The following MMP14 variants were observed in gnomAD, a reference collection of about 807,000 sequenced individuals.
The protein encoded by MMP14 is matrix metallopeptidase 14.
Under a neutral mutation model 64.8 loss-of-function variants are expected in MMP14, and 13 were observed. The ratio of observed to expected loss-of-function variants is 0.20; its 90% CI spans 0.13 to 0.32. The LOEUF (loss-of-function observed/expected upper bound fraction) is 0.32, where lower values mean the gene tolerates loss of function less well. MMP14 is among the 10% of genes least tolerant of loss of function. The probability of loss-of-function intolerance (pLI) is 1.00; values close to 1 mark genes in which losing one functional copy is unlikely to be tolerated. For missense variants in MMP14, 594 were observed against 783.8 expected (o/e 0.76, Z 2.89); for synonymous variants, 322 against 315.9 (o/e 1.02, Z -0.20).
At position 22,843,661 on chromosome 14, in the gene MMP14, T is replaced by TC. The variant is rs764515729; in HGVS notation, c.851-45dup. ...GTCTGCCCATCTGTCTGTCCTTCCG[T>TC]CCCCGCCTCCTCCTAAGTCTGAAAT... On this transcript the variant is annotated intron_variant, in intron 5 of 9. Transcript: ENST00000311852. The surrounding 1 kb of genome is among the most constrained non-coding windows in gnomAD (Gnocchi z 4.8). 4 of 1,557,688 alleles carry TC rather than the reference T, an allele frequency of 2.6e-6. No homozygotes were observed. The highest frequency in any genetic ancestry group is 2.3e-5 in the East Asian group (1 of 44,060).
intron 1 of MMP14, among the ~76,000 whole-genome samples, chr14:22,838,730 C>T (rs1186357644): frequency 6.6e-6 from 1 of 152,140 alleles, no homozygotes; most frequent in Non-Finnish European, 1.5e-5. Context: ...CCAGGACAGC[C>T]CTCTCCTCCC....
Position 22,836,795 on chromosome 14 carries a change from G to C in MMP14, c.-23G>C. Reference sequence around the variant, plus strand: ...CCCGGCCGCGGAGCCCACACTGCCCGGCTGACCCGGTGGTCTCGGACCATG... The same window carrying C: ...CCCGGCCGCGGAGCCCACACTGCCCCGCTGACCCGGTGGTCTCGGACCATG... On this transcript the variant is annotated 5_prime_UTR_variant, in exon 1 of 10. Coordinates refer to ENST00000311852, the MANE Select transcript of MMP14 (RefSeq NM_004995.4). 10 of 1,533,044 alleles carry C rather than the reference G, an allele frequency of 6.5e-6. No individual in the cohort carries two copies. Among genetic ancestry groups the C allele is most frequent in the Non-Finnish European group, 8.9e-6 (10 of 1,121,374 alleles). The allele number at this position is 1,533,044 out of a possible 1,614,324, so 95.0% of individuals were successfully genotyped here. A position where few individuals can be genotyped will look rare whatever the true frequency, so the allele number is the denominator to read the frequency against.
rs1240102039 is a variant in MMP14, at chr14:22,841,493, C to T, written c.111C>T (p.Ala37=). 1.2e-6 allele frequency: 2 copies of T among 1,613,622 alleles called. No individual in the cohort carries two copies. The highest frequency in any genetic ancestry group is 2.7e-5 in the African/African-American group (2 of 74,932). ...AAGCCATACCCCTTTCCCTACAGGCCTGGCTACAGCAATATGGCTACCTGC... is the reference window on the plus strand; with the variant it reads ...AAGCCATACCCCTTTCCCTACAGGCTTGGCTACAGCAATATGGCTACCTGC... The part of the protein sequence containing the change: ...SAQSSSFSPE[A]WLQQYGYLPP... Residue 37 remains alanine, a splice_region_variant and synonymous_variant, in exon 2 of 10, where the codon GCC becomes GCT. Transcript: ENST00000311852.
At chr14:22,837,181 T>C (rs1235645740) in intron 1 of MMP14, 1 of 653,544 alleles carries the variant, frequency 1.5e-6, no homozygotes, top group East Asian at 3.0e-5. Flanking sequence ...TTTTTCCCAG[T>C]CCTTGGAAGA....
At chr14:22,839,678 C>T (rs1192724088) in intron 1 of MMP14, among the ~76,000 whole-genome samples, 1 of 152,134 alleles carries the variant, frequency 6.6e-6, no homozygotes, top group South Asian at 2.1e-4. Flanking sequence ...TTGAGTCACC[C>T]CCAGTCCCCA....
In MMP14 at chr14:22,836,857, C is replaced by T. The variant is rs750574703; in HGVS notation, c.40C>T (p.Pro14Ser). The T allele has an allele frequency of 2.5e-6, 4 of 1,613,628 alleles. No homozygotes were observed. In the East Asian group the frequency reaches 8.9e-5, roughly 36 times the overall value. Residue 14 changes from proline to serine, a missense_variant, in exon 1 of 10, where the codon CCC (proline) becomes TCC (serine). Transcript: ENST00000311852. Reference protein sequence around the residue: ...APRPPRCLLLPLLTLGTALAS... With the variant: ...APRPPRCLLLSLLTLGTALAS... ...AAGACCCCCCCGTTGTCTCCTGCTC[C>T]CCCTGCTCACGCTCGGCACCGCGCT...
At chr14:22,836,992 G>A (rs914174342) in intron 1 of MMP14, 67 bp downstream of exon 1, 59 of 1,255,328 alleles carry the variant, frequency 4.7e-5, no homozygotes, top group Non-Finnish European at 6.4e-5. Flanking sequence ...GGTCTCCTAG[G>A]GGACAGCCTC....
intron 2 of MMP14, 76 bp from the exon 3 acceptor site, chr14:22,841,837 C>CAA: frequency 1.2e-6 from 2 of 1,602,440 alleles, no homozygotes; most frequent in South Asian, 2.2e-5. Context: ...GCAAGTCTTA[C>CAA]CCAACACTGA....
chr14:22,842,611 T>C lies in MMP14; in HGVS notation c.582T>C (p.Gly194=), dbSNP rs1566481842. The C allele has an allele frequency of 6.2e-7, 1 of 1,614,184 alleles. No individual in the cohort carries two copies. Among genetic ancestry groups the C allele is most frequent in the East Asian group, 2.2e-5 (1 of 44,868 alleles). ...GFHGDSTPFD[G]EGGFLAHAYF... is the part of the protein sequence containing the mutation. ...ATGGCGACAGCACGCCCTTCGATGG[T>C]GAGGGCGGCTTCCTGGCCCATGCCT... Residue 194 remains glycine, a synonymous_variant, in exon 4 of 10, where the codon GGT becomes GGC. Coordinates refer to ENST00000311852, the MANE Select transcript of MMP14 (RefSeq NM_004995.4). This position sits in a 1 kb window ranked among gnomAD's most constrained non-coding sequence, Gnocchi z 5.3.
In MMP14 at chr14:22,843,411, A is replaced by G; in HGVS notation, c.843A>G (p.Gln281=). The G allele has an allele frequency of 6.2e-7, 1 of 1,613,296 alleles. No homozygotes were observed. Residue 281 remains glutamine (Q), a synonymous_variant, in exon 5 of 10, where the codon CAA becomes CAG. Transcript: ENST00000311852. The surrounding 1 kb of genome is among the most constrained non-coding windows in gnomAD (Gnocchi z 4.8). The stretch of plus-strand genomic sequence containing the variant: ...ATGATGACCGCCGGGGCATCCAGCA[A>G]CTTTATGGCGAGTAGTCTACACCCA... ...LPDDDRRGIQ[Q]LYGGESGFPT...
Position 22,842,267 on chromosome 14 carries a change from T to A in MMP14, c.381-143T>A. Reference sequence around the variant, plus strand: ...ATCCCTTGTTCTTGAGACAGAGGCGTTGCGCATGAGGTAGCAGGAAGAGCT... The same window carrying A: ...ATCCCTTGTTCTTGAGACAGAGGCGATGCGCATGAGGTAGCAGGAAGAGCT... On this transcript the variant is annotated intron_variant, in intron 3 of 9. Coordinates refer to ENST00000311852, the MANE Select transcript of MMP14 (RefSeq NM_004995.4). This position sits in a 1 kb window ranked among gnomAD's most constrained non-coding sequence, Gnocchi z 5.3. 9.4e-7 allele frequency: 1 copy of A among 1,064,654 alleles called. No homozygotes were observed. The highest frequency in any genetic ancestry group is 1.4e-6 in the Non-Finnish European group (1 of 739,070). The allele number at this position is 1,064,654 out of a possible 1,614,324, so 66.0% of individuals were successfully genotyped here.
In MMP14 at chr14:22,844,358, G is replaced by T; in HGVS notation, c.1012-13G>T. On this transcript the variant is annotated splice_polypyrimidine_tract_variant and intron_variant, in intron 6 of 9. Coordinates refer to ENST00000311852, the MANE Select transcript of MMP14 (RefSeq NM_004995.4). ...AGACATAATGGACTTTTCCTGCATT[G>T]ACCGGCTTCCAGGAGCGCTGGTTCT... 3 of 1,614,002 alleles carry T rather than the reference G, an allele frequency of 1.9e-6. No homozygotes were observed. Among genetic ancestry groups the T allele is most frequent in the South Asian group, 2.2e-5 (2 of 91,016 alleles).
intron 8 of MMP14, 76 bp downstream of exon 8, chr14:22,844,856 A>G: frequency 6.3e-7 from 1 of 1,585,734 alleles, no homozygotes; most frequent in Non-Finnish European, 8.6e-7. Context: ...TTCTGGAGAA[A>G]GACCCACTTT....
At position 22,841,949 on chromosome 14, in the gene MMP14, G is replaced by A. The variant is rs772534496; in HGVS notation, c.294G>A (p.Lys98=). ...MRRPRCGVPD[K]FGAEIKANVR... ...GCCCCCGATGTGGTGTTCCAGACAA[G>A]TTTGGGGCTGAGATCAAGGCCAATG... is the stretch of plus-strand genomic sequence containing the variant. The change falls in exon 3 of 10, where the codon AAG becomes AAA. Residue 98 remains lysine, a synonymous_variant. Transcript: ENST00000311852. The A allele has an allele frequency of 1.2e-6, 2 of 1,614,122 alleles. No homozygotes were observed. Among genetic ancestry groups the A allele is most frequent in the Admixed American group, 3.3e-5 (2 of 60,008 alleles).
Position 22,842,287 on chromosome 14 carries a change from A to G in MMP14, c.381-123A>G. On this transcript the variant is annotated intron_variant, in intron 3 of 9. Coordinates refer to ENST00000311852, the MANE Select transcript of MMP14 (RefSeq NM_004995.4). The surrounding 1 kb of genome is among the most constrained non-coding windows in gnomAD (Gnocchi z 5.3). Reference sequence around the variant, plus strand: ...AGGCGTTGCGCATGAGGTAGCAGGAAGAGCTGGGTCAGGCAGAGGTGGCTG... The same window carrying G: ...AGGCGTTGCGCATGAGGTAGCAGGAGGAGCTGGGTCAGGCAGAGGTGGCTG... 1 of 1,161,334 alleles carries G rather than the reference A, an allele frequency of 8.6e-7. No homozygotes were observed. The highest frequency in any genetic ancestry group is 1.2e-6 in the Non-Finnish European group (1 of 818,518). The allele number at this position is 1,161,334 out of a possible 1,614,324, so 71.9% of individuals were successfully genotyped here.
Position 22,844,929 on chromosome 14 carries a change from C to T in MMP14, c.1301+149C>T, listed in dbSNP as rs2039801273. 2.4e-5 allele frequency: 27 copies of T among 1,145,960 alleles called. 3 individuals are homozygous for T. The South Asian group carries it at 3.9e-4, about 17-fold the overall frequency. The allele number at this position is 1,145,960 out of a possible 1,614,324, so 71.0% of individuals were successfully genotyped here. A position where few individuals can be genotyped will look rare whatever the true frequency, so the allele number is the denominator to read the frequency against. ...GCCTCTGCTGTTGCCTAGAAATGGG[C>T]AGCCTCCTTTGGGCACCGTGTGAGT... On this transcript the variant is annotated intron_variant, in intron 8 of 9. Transcript: ENST00000311852.
Position 22,843,576 on chromosome 14 carries a change from C to A in MMP14, c.851-134C>A. ...ACTTTTGAGCCCATCTTTTGTGTCGCCTCCCAGTTGGTTGCTTCAGCCTCC... is the reference window on the plus strand; with the variant it reads ...ACTTTTGAGCCCATCTTTTGTGTCGACTCCCAGTTGGTTGCTTCAGCCTCC... On this transcript the variant is annotated intron_variant, in intron 5 of 9. Transcript: ENST00000311852. This position sits in a 1 kb window ranked among gnomAD's most constrained non-coding sequence, Gnocchi z 4.8. 2 of 1,380,506 alleles carry A rather than the reference C, an allele frequency of 1.4e-6. No homozygotes were observed. The highest frequency in any genetic ancestry group is 2.0e-4 in the Middle Eastern group (1 of 4,968). 85.5% of individuals were successfully genotyped at this position (1,380,506 alleles called of 1,614,324 possible).
Position 22,842,460 on chromosome 14 carries a change from T to C in MMP14, c.431T>C (p.Ile144Thr), listed in dbSNP as rs576108343. ...KVGEYATYEA[I>T]RKAFRVWESA... ...GGCGAGTATGCCACATACGAGGCCA[T>C]TCGCAAGGCGTTCCGCGTGTGGGAG... The change falls in exon 4 of 10, where the codon ATT (isoleucine) becomes ACT (threonine). Residue 144 changes from isoleucine to threonine, a missense_variant. By Grantham distance (89) the Ile-to-Thr change is moderately conservative. Around this residue, in one of 4 missense-constraint regions of MMP14, gnomAD observed 179 missense variants for 283.4 expected, o/e 0.63. Transcript: ENST00000311852. The surrounding 1 kb of genome is among the most constrained non-coding windows in gnomAD (Gnocchi z 5.3). 6.2e-7 allele frequency: 1 copy of C among 1,614,104 alleles called. No homozygotes were observed. The highest frequency in any genetic ancestry group is 1.3e-5 in the African/African-American group (1 of 75,066).
rs541872659 is a variant in MMP14 at position 22,837,133 on chromosome 14, C to A, written c.108+208C>A. ...TTGCCCGCTTCCAACCAGCTGCCCC[C>A]ACCCCCTGCGCCGCCGACTCTCCTT... On this transcript the variant is annotated intron_variant, in intron 1 of 9. Transcript: ENST00000311852. The A allele has an allele frequency of 8.3e-3, 5,706 of 690,186 alleles. 237 individuals are homozygous for A. In the African/African-American group the frequency reaches 0.09, roughly 11 times the overall value. 42.8% of individuals were successfully genotyped at this position (690,186 alleles called of 1,614,324 possible). A position where few individuals can be genotyped will look rare whatever the true frequency, so the allele number is the denominator to read the frequency against.
Sources: allele counts gnomAD v4.1 joint callset (sites outside exome capture counted in the v4.1 genomes callset), GRCh38; gene constraint gnomAD v4.1.1; regional missense constraint gnomAD v4.1.1; non-coding constraint Gnocchi (gnomAD v3.1); transcripts MANE v1.5; gene names NCBI Gene and HGNC (gene_info 2026-07-23, HGNC 2026-07-21).